XPO7: variants seen among roughly 807,000 people sequenced by gnomAD.
The protein encoded by XPO7 is exportin-7.
A neutral mutation model predicts 144.3 loss-of-function variants in XPO7; 21 were observed. That is an observed-to-expected ratio of 0.15 (90% CI 0.10 to 0.21). XPO7 has a LOEUF of 0.21. Ranked by LOEUF, XPO7 falls within the 10% of genes least tolerant of loss-of-function variation. XPO7 has a pLI of 1.00. For synonymous variants in XPO7, 580 were observed against 499.6 expected, an observed-to-expected ratio of 1.16 and a Z score of -2.15; for missense variants, 808 against 1,325.8, an observed-to-expected ratio of 0.61 and a Z score of 6.06.
At chr8:21,995,426 GA>G (rs1812913826) in intron 20 of XPO7, 65 bp from the exon 21 acceptor site, 3 of 1,448,694 alleles carry the variant, frequency 2.1e-6, no homozygotes, top group South Asian at 2.5e-5. Flanking sequence ...GGCTAGTGCT[GA>G]AAAACTATTT....
chr8:21,986,445 G>A (rs1442740334), intron 13 of XPO7, among the ~76,000 whole-genome samples: 2 of 152,042 alleles, frequency 1.3e-5, no homozygotes, highest in Admixed American at 6.5e-5. Context: ...GAGCCACCGC[G>A]CCCCGCCTTC....
intron 1 of XPO7, among the ~76,000 whole-genome samples, chr8:21,942,146 A>G (rs1157899984): frequency 6.6e-6 from 1 of 152,216 alleles, no homozygotes; most frequent in Non-Finnish European, 1.5e-5. Context: ...TTGGTAAATA[A>G]GATAAATTAG....
chr8:22,002,288 C>T lies in XPO7; in HGVS notation c.2943+16C>T. On this transcript the variant is annotated intron_variant, in intron 25 of 27. Transcript: ENST00000252512. ...GATCCAGCAGGTAAGAAAGTGGAGG[C>T]TTAGGAGGCAGTGATGGGGTGTCCG... 1 of 1,609,718 alleles carries T rather than the reference C, an allele frequency of 6.2e-7. No individual in the cohort carries two copies.
At chr8:21,988,481 G>C in intron 15 of XPO7, 1 of 160,392 alleles carries the variant, frequency 6.2e-6, no homozygotes, top group East Asian at 1.8e-4. Context: ...ATATTACCCA[G>C]GGCTGTGTGC....
At chr8:21,999,494 CAT>C (rs1188217075) in intron 23 of XPO7, 40 bp from the exon 24 acceptor site, 4 of 1,612,084 alleles carry the variant, frequency 2.5e-6, no homozygotes, top group Non-Finnish European at 3.4e-6. Context: ...TGCTGGAGTG[CAT>C]AGTGCCTAAG....
In XPO7 at chr8:21,990,876, T is replaced by G. The variant is rs760681697; in HGVS notation, c.1998T>G (p.Thr666=). 2 of 1,614,046 alleles carry G rather than the reference T, an allele frequency of 1.2e-6. No homozygotes were observed. The highest frequency in any genetic ancestry group is 1.7e-6 in the Non-Finnish European group (2 of 1,179,878). The change falls in exon 18 of 28, where the codon ACT becomes ACG. Residue 666 remains threonine (T), a synonymous_variant. Transcript: ENST00000252512. ...ACCTGACAGACATGCGGTGTCGGAC[T>G]ACCTTCTACACAGCACTTGGGCGTC... The part of the protein sequence containing the change: ...QSNLTDMRCR[T]TFYTALGRLL...
chr8:22,002,079 G>C lies in XPO7; in HGVS notation c.2783-33G>C, dbSNP rs200046481. On this transcript the variant is annotated intron_variant, in intron 24 of 27. Coordinates refer to ENST00000252512, the MANE Select transcript of XPO7 (RefSeq NM_015024.5). ...ATATTTGTCCAGGCCACCATCAGCA[G>C]CTCTGTCCTACCCCTGCCTTTCTTT... 3.4e-4 allele frequency: 540 copies of C among 1,580,638 alleles called. 6 individuals are homozygous for C. In the South Asian group the frequency reaches 3.8e-3, roughly 11 times the overall value.
At chr8:21,945,366 T>C (rs945384408) in intron 1 of XPO7, among the ~76,000 whole-genome samples, 21 of 152,236 alleles carry the variant, frequency 1.4e-4, no homozygotes, top group Admixed American at 2.6e-4. Flanking sequence ...AGGGGGTAGA[T>C]TATTTGATAA....
In XPO7 at chr8:21,990,764, C is replaced by T. The variant is rs772186939; in HGVS notation, c.1933-47C>T. On this transcript the variant is annotated intron_variant, in intron 17 of 27. Transcript: ENST00000252512. ...CTCTGATTACTGGCTTGCATTCTGC[C>T]TCTAACTCATGTTTTTACCTTTAAC... The T allele has an allele frequency of 4.4e-6, 7 of 1,578,994 alleles. No homozygotes were observed. The Admixed American group carries it at 1.2e-4, about 26-fold the overall frequency.
intron 10 of XPO7, 104 bp from the exon 11 acceptor site, chr8:21,982,534 CTT>C (rs71544848): frequency 4.6e-6 from 6 of 1,309,972 alleles, no homozygotes; most frequent in Non-Finnish European, 5.0e-6. Context: ...AGTCTATCCT[CTT>C]TTTTTAAAAA....
chr8:21,937,427 A>T (rs1810857724), intron 1 of XPO7, among the ~76,000 whole-genome samples: 1 of 152,164 alleles, frequency 6.6e-6, no homozygotes, highest in South Asian at 2.1e-4. Flanking sequence ...CTTTTAATTG[A>T]TGTTTTGCTG....
At chr8:21,997,795 G>A (rs1813000870) in intron 21 of XPO7, among the ~76,000 whole-genome samples, 1 of 152,204 alleles carries the variant, frequency 6.6e-6, no homozygotes, top group Admixed American at 6.5e-5. Flanking sequence ...TAAGGGAAAG[G>A]TGGATTTGGG....
At chr8:21,976,141 A>G (rs1812215140) in intron 6 of XPO7, among the ~76,000 whole-genome samples, 1 of 152,176 alleles carries the variant, frequency 6.6e-6, no homozygotes, top group South Asian at 2.1e-4. Flanking sequence ...TACCAACTTC[A>G]TGTTTTTATA....
At chr8:21,920,347 G>A (rs1810235355) in intron 1 of XPO7, among the ~76,000 whole-genome samples, 1 of 150,740 alleles carries the variant, frequency 6.6e-6, no homozygotes, top group Admixed American at 6.6e-5. Context: ...CCTTCCCTCC[G>A]ACACTCCAAA....
At position 22,003,130 on chromosome 8, in the gene XPO7, C is replaced by T. The variant is rs1813209257; in HGVS notation, c.2944-89C>T. The T allele has an allele frequency of 3.1e-6, 3 of 981,794 alleles. No homozygotes were observed. In the South Asian group the frequency reaches 4.9e-5, roughly 16 times the overall value. 60.8% of individuals were successfully genotyped at this position (981,794 alleles called of 1,614,324 possible). A position where few individuals can be genotyped will look rare whatever the true frequency, so the allele number is the denominator to read the frequency against. On this transcript the variant is annotated intron_variant, in intron 25 of 27. Transcript: ENST00000252512. ...ACCCTATACAGAAAAGGCCTTCAGC[C>T]TAATATACTCCTGTATTTGGAATCT... is the stretch of plus-strand genomic sequence containing the variant.
At chr8:21,965,980 C>CCTCTT (rs1811869658) in intron 1 of XPO7, among the ~76,000 whole-genome samples, 2 of 151,494 alleles carry the variant, frequency 1.3e-5, no homozygotes, top group African/African-American at 2.4e-5. Flanking sequence ...TGTTTACTCT[C>CCTCTT]CAGTCAGTGA....
At chr8:21,999,023 G>C (rs574584094) in intron 22 of XPO7, 68 bp from the exon 23 acceptor site, 14 of 1,580,376 alleles carry the variant, frequency 8.9e-6, no homozygotes, top group Non-Finnish European at 1.2e-5. Flanking sequence ...TGCCTTTGGA[G>C]TAGGAAGGCT....
intron 25 of XPO7, among the ~76,000 whole-genome samples, chr8:22,002,577 C>G (rs1813188068): frequency 6.6e-6 from 1 of 152,122 alleles, no homozygotes; most frequent in African/African-American, 2.4e-5. Context: ...ATAAATAGAG[C>G]AGGAGTTAGC....
intron 14 of XPO7, among the ~76,000 whole-genome samples, chr8:21,987,477 A>G (rs1184777240): frequency 6.6e-6 from 1 of 152,206 alleles, no homozygotes; most frequent in Non-Finnish European, 1.5e-5. Context: ...TATGCTTAAC[A>G]AATGGCCAGT....
Sources: gnomAD v4.1 joint callset for allele counts (sites outside exome capture counted in the v4.1 genomes callset) on GRCh38, gnomAD v4.1.1 for gene constraint, MANE v1.5 for transcripts, NCBI Gene and HGNC (gene_info 2026-07-23, HGNC 2026-07-21) for gene names.